The following XRCC5 variants were observed in gnomAD, a reference collection of about 807,000 sequenced individuals.
The protein encoded by XRCC5 is DNA repair protein Ku80.
A neutral mutation model predicts 95.7 loss-of-function variants in XRCC5; 12 were observed. That is an observed-to-expected ratio of 0.13 (90% CI 0.08 to 0.20). XRCC5 has a LOEUF of 0.20. Ranked by LOEUF, XRCC5 falls within the 10% of genes least tolerant of loss-of-function variation. XRCC5 has a pLI of 1.00. For missense variants in XRCC5, 595 were observed against 873.9 expected (o/e 0.68, Z 4.02); for synonymous variants, 281 against 290.3 (o/e 0.97, Z 0.33).
Position 216,113,002 on chromosome 2 carries a change from A to G in XRCC5, c.22-14A>G, listed in dbSNP as rs1162610789. On this transcript the variant is annotated splice_polypyrimidine_tract_variant and intron_variant, in intron 1 of 20. Coordinates refer to ENST00000392132, the MANE Select transcript of XRCC5 (RefSeq NM_021141.4). ...ACTTATTTTCTCAAACACTCTTTGGAACTTTGTTTCCAGGCAGCTGTTGTG... is the reference window on the plus strand; with the variant it reads ...ACTTATTTTCTCAAACACTCTTTGGGACTTTGTTTCCAGGCAGCTGTTGTG... 6.2e-7 allele frequency: 1 copy of G among 1,603,586 alleles called. No homozygotes were observed. Among genetic ancestry groups the G allele is most frequent in the East Asian group, 2.2e-5 (1 of 44,820 alleles).
chr2:216,148,761 A>G (rs910498254), intron 14 of XRCC5, among the ~76,000 whole-genome samples: 1 of 152,140 alleles, frequency 6.6e-6, no homozygotes, highest in Non-Finnish European at 1.5e-5. Context: ...TCAGTGATGT[A>G]TTTGGTTGTG....
chr2:216,135,596 G>A (rs946969571), intron 10 of XRCC5, among the ~76,000 whole-genome samples: 15 of 152,200 alleles, frequency 9.9e-5, no homozygotes, highest in African/African-American at 3.4e-4. Flanking sequence ...TCAGGAGTTC[G>A]AGACCAGTCT....
In XRCC5 at chr2:216,134,678, C is replaced by G. The variant is rs368147078; in HGVS notation, c.1113+2291C>G. Among the ~76,000 whole-genome samples, 299 of 151,534 alleles carry G rather than the reference C, an allele frequency of 2.0e-3. 2 individuals are homozygous for G. In the Middle Eastern group the frequency reaches 0.034, roughly 17 times the overall value. On this transcript the variant is annotated intron_variant, in intron 10 of 20. Coordinates refer to ENST00000392132, the MANE Select transcript of XRCC5 (RefSeq NM_021141.4). ...TCCTGACCTCAGGTGATCCACCCCCCCCCCTCCTCGGCCTCCCAAAGTGTT... is the reference window on the plus strand; with the variant it reads ...TCCTGACCTCAGGTGATCCACCCCCGCCCCTCCTCGGCCTCCCAAAGTGTT...
intron 2 of XRCC5, among the ~76,000 whole-genome samples, chr2:216,115,041 G>C (rs1036495862): frequency 6.6e-6 from 1 of 152,284 alleles, no homozygotes; most frequent in African/African-American, 2.4e-5. Flanking sequence ...AAAGAAGGGC[G>C]CAGGGCACTT....
intron 19 of XRCC5, among the ~76,000 whole-genome samples, chr2:216,197,999 C>G (rs1689762072): frequency 1.3e-5 from 2 of 152,104 alleles, no homozygotes; most frequent in Non-Finnish European, 2.9e-5. Flanking sequence ...TATCCAACTC[C>G]CGAACCAAAG....
intron 16 of XRCC5, chr2:216,175,537 A>C: frequency 2.3e-6 from 1 of 428,238 alleles, no homozygotes; most frequent in Non-Finnish European, 4.5e-6. Context: ...AAAAGTGCAC[A>C]TTCTCTCTTT....
At chr2:216,175,869 C>A in intron 16 of XRCC5, 1 of 426,890 alleles carries the variant, frequency 2.3e-6, no homozygotes, top group South Asian at 1.9e-5. Flanking sequence ...TCAAAATGTT[C>A]TCTTAACCCA....
At chr2:216,179,952 C>G in intron 16 of XRCC5, among the ~76,000 whole-genome samples, 1 of 152,168 alleles carries the variant, frequency 6.6e-6, no homozygotes, top group East Asian at 1.9e-4. Context: ...GATTTTTGAT[C>G]TGTTTTGAAA....
chr2:216,200,435 T>C (rs1689814998), intron 19 of XRCC5, among the ~76,000 whole-genome samples: 1 of 152,252 alleles, frequency 6.6e-6, no homozygotes. Flanking sequence ...TGGTGTAGTT[T>C]GCTAGTACAA....
At chr2:216,179,171 C>G (rs993171390) in intron 16 of XRCC5, among the ~76,000 whole-genome samples, 2 of 152,148 alleles carry the variant, frequency 1.3e-5, no homozygotes, top group Admixed American at 6.5e-5. Context: ...GTTCAATGCT[C>G]TCTTGTAGCC....
intron 13 of XRCC5, among the ~76,000 whole-genome samples, chr2:216,141,540 CTTTTTT>C (rs71401137): frequency 1.5e-5 from 1 of 64,982 alleles, no homozygotes; most frequent in African/African-American, 7.4e-5. Flanking sequence ...TCTTTCTTTT[CTTTTTT>C]TTTTTTTTTT....
Position 216,194,439 on chromosome 2 carries a change from C to T in XRCC5, c.2042-480C>T, listed in dbSNP as rs377645856. 2.4e-4 allele frequency among the ~76,000 whole-genome samples: 36 copies of T among 152,106 alleles called. No homozygotes were observed. In the South Asian group the frequency reaches 4.2e-3, roughly 18 times the overall value. Reference sequence around the variant, plus strand: ...TGTGTACAAATAGTTACATAAAATACGACAAGAGCCATTTCAAAGGAATAA... The same window carrying T: ...TGTGTACAAATAGTTACATAAAATATGACAAGAGCCATTTCAAAGGAATAA... On this transcript the variant is annotated intron_variant, in intron 18 of 20. Transcript: ENST00000392132.
At chr2:216,168,872 A>G (rs1689101104) in intron 16 of XRCC5, among the ~76,000 whole-genome samples, 1 of 152,238 alleles carries the variant, frequency 6.6e-6, no homozygotes, top group Non-Finnish European at 1.5e-5. Context: ...GAGGAGATAC[A>G]TTTTCCCCAA....
At chr2:216,134,069 G>A (rs144146967) in intron 10 of XRCC5, among the ~76,000 whole-genome samples, 114 of 152,284 alleles carry the variant, frequency 7.5e-4, no homozygotes, top group African/African-American at 2.6e-3. Flanking sequence ...TGTCCCCACT[G>A]GATTGTTTTC....
At chr2:216,205,158 C>A (rs1171584550) in intron 20 of XRCC5, 30 bp from the exon 21 acceptor site, 9 of 1,613,578 alleles carry the variant, frequency 5.6e-6, no homozygotes, top group Non-Finnish European at 7.6e-6. Flanking sequence ...TGGCCTGATT[C>A]CTTTCTAAGT....
At chr2:216,130,795 A>T in intron 8 of XRCC5, 80 bp from the exon 9 acceptor site, 1 of 854,940 alleles carries the variant, frequency 1.2e-6, no homozygotes, top group Non-Finnish European at 1.9e-6. Context: ...GTGTGTTGTT[A>T]ATGTATGCAT....
rs1307426811 is a variant in XRCC5, at chr2:216,160,051, T to G, written c.1671-17T>G. The G allele has an allele frequency of 6.5e-7, 1 of 1,530,794 alleles. No homozygotes were observed. The highest frequency in any genetic ancestry group is 1.2e-5 in the South Asian group (1 of 82,926). The allele number at this position is 1,530,794 out of a possible 1,614,324, so 94.8% of individuals were successfully genotyped here. A position where few individuals can be genotyped will look rare whatever the true frequency, so the allele number is the denominator to read the frequency against. ...TGTATTGTTTGTTCTAAGAGAAATT[T>G]TTTTTTTCTTTTCTAGCCATGAAGA... On this transcript the variant is annotated splice_polypyrimidine_tract_variant and intron_variant, in intron 14 of 20. Coordinates refer to ENST00000392132, the MANE Select transcript of XRCC5 (RefSeq NM_021141.4).
intron 10 of XRCC5, among the ~76,000 whole-genome samples, chr2:216,136,812 TA>T: frequency 6.6e-6 from 1 of 152,158 alleles, no homozygotes; most frequent in East Asian, 1.9e-4. Context: ...AAGATTTGTT[TA>T]GGAGGGCTGA....
chr2:216,129,363 A>G (rs561690930), intron 8 of XRCC5, among the ~76,000 whole-genome samples: 1 of 152,328 alleles, frequency 6.6e-6, no homozygotes, highest in South Asian at 2.1e-4. Flanking sequence ...CTAAGGGACC[A>G]GTATACACAT....
Sources: allele counts gnomAD v4.1 joint callset (sites outside exome capture counted in the v4.1 genomes callset), GRCh38; gene constraint gnomAD v4.1.1; transcripts MANE v1.5; gene names NCBI Gene and HGNC (gene_info 2026-07-23, HGNC 2026-07-21).